RNF182: variants seen among roughly 807,000 people sequenced by gnomAD.
RNF182 encodes E3 ubiquitin-protein ligase RNF182.
Under a neutral mutation model 14.4 loss-of-function variants are expected in RNF182, and 15 were observed. The ratio of observed to expected loss-of-function variants is 1.04; its 90% CI spans 0.70 to 1.60. The LOEUF (loss-of-function observed/expected upper bound fraction) is 1.60. Ranked by LOEUF, RNF182 falls within the 40% of genes most tolerant of loss-of-function variation. The pLI is 0.00. For missense variants in RNF182, 268 were observed against 294.8 expected, an observed-to-expected ratio of 0.91 and a Z score of 0.67; for synonymous variants, 128 against 122.9, an observed-to-expected ratio of 1.04 and a Z score of -0.27.
intron 1 of RNF182, among the ~76,000 whole-genome samples, chr6:13,966,825 C>CGCGTGCGTGTGTGTGTGTGTGTGT (rs2113638515): frequency 9.5e-6 from 1 of 105,448 alleles, no homozygotes; most frequent in East Asian, 3.6e-4. Flanking sequence ...TGTGTGTGTG[C>CGCGTGCGTGTGTGTGTGTGTGTGT]GCGTGCGTGT....
chr6:13,925,451 G>GA (rs889443579), intron 1 of RNF182: 4 of 152,210 alleles, frequency 2.6e-5, no homozygotes, highest in Non-Finnish European at 5.9e-5. Context: ...AGGGACAAGC[G>GA]AAAGATTTTT....
chr6:13,940,509 G>A (rs1218999446), intron 1 of RNF182, among the ~76,000 whole-genome samples: 1 of 151,928 alleles, frequency 6.6e-6, no homozygotes, highest in Non-Finnish European at 1.5e-5. Context: ...TTCCCCCCTT[G>A]ATCAGTCTTG....
intron 1 of RNF182, among the ~76,000 whole-genome samples, chr6:13,942,631 C>T (rs1327915673): frequency 6.6e-6 from 1 of 152,158 alleles, no homozygotes; most frequent in African/African-American, 2.4e-5. Flanking sequence ...TGTGAGCCAC[C>T]ACCCCTGGCC....
intron 2 of RNF182, among the ~76,000 whole-genome samples, chr6:13,974,922 A>T (rs941453050): frequency 1.3e-5 from 2 of 152,100 alleles, no homozygotes; most frequent in African/African-American, 4.8e-5. Flanking sequence ...TGCTAACCCT[A>T]CTGGGACCAT....
At chr6:13,966,779 C>G (rs1373217866) in intron 1 of RNF182, among the ~76,000 whole-genome samples, 5 of 146,552 alleles carry the variant, frequency 3.4e-5, no homozygotes, top group Admixed American at 6.8e-5. Flanking sequence ...CCCACCCCCC[C>G]ACCAAAAAAA....
chr6:13,973,638 A>G (rs765154520), intron 1 of RNF182, among the ~76,000 whole-genome samples: 1 of 152,162 alleles, frequency 6.6e-6, no homozygotes, highest in Non-Finnish European at 1.5e-5. Flanking sequence ...GCCTGCCGCC[A>G]TGTAAGACAT....
At chr6:13,974,963 A>G (rs972232625) in intron 2 of RNF182, among the ~76,000 whole-genome samples, 2 of 152,184 alleles carry the variant, frequency 1.3e-5, no homozygotes, top group Non-Finnish European at 2.9e-5. Context: ...TCAGGAGAGC[A>G]TTACATCTGG....
chr6:13,960,688 T>TGC (rs1454034292), intron 1 of RNF182, among the ~76,000 whole-genome samples: 18,767 of 117,136 alleles, frequency 0.16, 1,404 homozygotes, highest in East Asian at 0.33. Flanking sequence ...TGTGTGTGTG[T>TGC]GTGTGCGCGC....
intron 1 of RNF182, among the ~76,000 whole-genome samples, chr6:13,971,663 G>C (rs1760186511): frequency 6.6e-6 from 1 of 152,170 alleles, no homozygotes; most frequent in South Asian, 2.1e-4. Flanking sequence ...AAAGATGTGG[G>C]GAAGTTTGGA....
rs370486755 is a variant in RNF182, at chr6:13,947,168, A to T, written c.-367+22145A>T. Among the ~76,000 whole-genome samples, 28 of 152,270 alleles carry T rather than the reference A, an allele frequency of 1.8e-4. No homozygotes were observed. The East Asian group carries it at 5.2e-3, about 28-fold the overall frequency. ...AATTAGAATAGTGATTCAGATTTTTATGTTAATCATGCCTCATGTTTCTTT... is the reference window on the plus strand; with the variant it reads ...AATTAGAATAGTGATTCAGATTTTTTTGTTAATCATGCCTCATGTTTCTTT... On this transcript the variant is annotated intron_variant, in intron 1 of 2. Coordinates refer to ENST00000488300, the MANE Select transcript of RNF182 (RefSeq NM_152737.4).
chr6:13,970,336 A>G (rs9476191), intron 1 of RNF182, among the ~76,000 whole-genome samples: 1,828 of 152,254 alleles, frequency 0.012, 39 homozygotes, highest in African/African-American at 0.042. Context: ...TAGCTCCCAT[A>G]TGAGTGAGAA....
In RNF182 at chr6:13,977,594, G is replaced by C. The variant is rs145031346; in HGVS notation, c.475G>C (p.Asp159His). 1 of 1,614,112 alleles carries C rather than the reference G, an allele frequency of 6.2e-7. No homozygotes were observed. Among genetic ancestry groups the C allele is most frequent in the Non-Finnish European group, 8.5e-7 (1 of 1,180,022 alleles). ...AGAATTTTATAGGCCTGCGAGTTTC[G>C]ACTCTGTCACCACTGTGTCACACAA... ...VVEFYRPASFDSVTTVSHNWT... is the reference protein window; with the variant it reads ...VVEFYRPASFHSVTTVSHNWT... The change falls in exon 3 of 3, where the codon GAC becomes CAC. Residue 159 changes from aspartate to histidine, a missense_variant. By Grantham distance (81) the Asp-to-His change is moderately conservative (BLOSUM62 -1). Transcript: ENST00000488300.
In RNF182 at chr6:13,977,443, G is replaced by T. The variant is rs758227865; in HGVS notation, c.324G>T (p.Leu108=). The T allele has an allele frequency of 2.2e-5, 35 of 1,614,044 alleles. No homozygotes were observed. Among genetic ancestry groups the T allele is most frequent in the Non-Finnish European group, 2.4e-5 (28 of 1,180,020 alleles). ...GCCTGCCAGAGAACCCTACTGAGCT[G>T]CTGCTCACCCCCAAGAGGCTGGCCT... ...KKCLPENPTE[L]LLTPKRLASL... Residue 108 remains leucine, a synonymous_variant, in exon 3 of 3, where the codon CTG becomes CTT. Coordinates refer to ENST00000488300, the MANE Select transcript of RNF182 (RefSeq NM_152737.4).
rs1292740225 is a variant in RNF182 at position 13,941,220 on chromosome 6, G to A, written c.-367+16197G>A. Among the ~76,000 whole-genome samples, 4 of 152,002 alleles carry A rather than the reference G, an allele frequency of 2.6e-5. No individual in the cohort carries two copies. In the East Asian group the frequency reaches 5.8e-4, roughly 22 times the overall value. The stretch of plus-strand genomic sequence containing the variant: ...TACCTTTCATTCTGTCAGTTTTTAA[G>A]TATATATTTTGAGGATATGTTATTG... On this transcript the variant is annotated intron_variant, in intron 1 of 2. Transcript: ENST00000488300.
At chr6:13,948,111 T>A (rs970369944) in intron 1 of RNF182, among the ~76,000 whole-genome samples, 7 of 152,210 alleles carry the variant, frequency 4.6e-5, no homozygotes, top group African/African-American at 1.7e-4. Context: ...TTTGGTCTTC[T>A]ATTAGTTGTC....
intron 1 of RNF182, among the ~76,000 whole-genome samples, chr6:13,969,281 TC>T (rs1432548782): frequency 6.6e-6 from 1 of 152,160 alleles, no homozygotes; most frequent in African/African-American, 2.4e-5. Flanking sequence ...TCCTGTCTTG[TC>T]CCTAGCTTCA....
At chr6:13,969,564 A>C (rs1172996344) in intron 1 of RNF182, among the ~76,000 whole-genome samples, 1 of 152,220 alleles carries the variant, frequency 6.6e-6, no homozygotes, top group African/African-American at 2.4e-5. Context: ...CTAGGTAGAC[A>C]ATAACAACAG....
intron 1 of RNF182, among the ~76,000 whole-genome samples, chr6:13,954,013 T>G (rs1483710133): frequency 6.6e-6 from 1 of 152,208 alleles, no homozygotes; most frequent in Non-Finnish European, 1.5e-5. Flanking sequence ...TATTTTTATC[T>G]TTTTATTATG....
chr6:13,956,220 T>A (rs1759725870), intron 1 of RNF182, among the ~76,000 whole-genome samples: 1 of 152,216 alleles, frequency 6.6e-6, no homozygotes, highest in Non-Finnish European at 1.5e-5. Context: ...AAATCTTGGC[T>A]ATTGGCTATT....
Sources: allele counts gnomAD v4.1 joint callset (sites outside exome capture counted in the v4.1 genomes callset), GRCh38; gene constraint gnomAD v4.1.1; transcripts MANE v1.5; gene names NCBI Gene and HGNC (gene_info 2026-07-23, HGNC 2026-07-21).